Variants in DNAH11 observed in about 807,000 individuals in gnomAD.
DNAH11 encodes axonemal beta dynein heavy chain 11.
Under a neutral mutation model 526.0 loss-of-function variants are expected in DNAH11, and 442 were observed. The observed-to-expected ratio is 0.84, with a 90% CI of 0.78 to 0.91. The LOEUF (loss-of-function observed/expected upper bound fraction) is 0.91, where lower values mean the gene tolerates loss of function less well. Among genes scored for constraint, DNAH11 ranks in the 40% least tolerant of loss-of-function variants. DNAH11 has a pLI of 0.00. For missense variants in DNAH11, 6,989 were observed against 5,448.7 expected, an observed-to-expected ratio of 1.28 and a Z score of -8.90; for synonymous variants, 2,461 against 1,935.9, an observed-to-expected ratio of 1.27 and a Z score of -7.12.
At chr7:21,618,926 G>A (rs572147852) in intron 23 of DNAH11, among the ~76,000 whole-genome samples, 174 bp from the exon 24 acceptor site, 5 of 152,304 alleles carry the variant, frequency 3.3e-5, no homozygotes, top group African/African-American at 1.2e-4. Flanking sequence ...TGACGCCTCA[G>A]GAATTGTGAG....
At chr7:21,585,784 A>G (rs949907883) in intron 9 of DNAH11, among the ~76,000 whole-genome samples, 11 of 152,346 alleles carry the variant, frequency 7.2e-5, no homozygotes, top group African/African-American at 2.4e-4. Flanking sequence ...ACACCGAACA[A>G]TGGCAATGGT....
chr7:21,897,527 T>C (rs528118653), intron 79 of DNAH11, among the ~76,000 whole-genome samples: 6 of 152,244 alleles, frequency 3.9e-5, no homozygotes, highest in East Asian at 1.9e-4. Flanking sequence ...TATTTTAGTA[T>C]TGATTACTCT....
intron 30 of DNAH11, among the ~76,000 whole-genome samples, chr7:21,667,492 T>C (rs1213972601): frequency 1.3e-5 from 2 of 152,174 alleles, no homozygotes; most frequent in East Asian, 3.8e-4. Flanking sequence ...CCAAATTTGG[T>C]TCATGGCCTA....
intron 54 of DNAH11, among the ~76,000 whole-genome samples, chr7:21,760,361 T>C (rs1786845751): frequency 6.6e-6 from 1 of 152,178 alleles, no homozygotes. Context: ...CCCAGCTCTG[T>C]TCTTTTGGGG....
At chr7:21,872,189 A>G (rs1380493155) in intron 73 of DNAH11, among the ~76,000 whole-genome samples, 3 of 150,440 alleles carry the variant, frequency 2.0e-5, no homozygotes, top group African/African-American at 7.3e-5. Context: ...TATCTCCTTA[A>G]AGACCCTATT....
chr7:21,757,785 C>T (rs12672447), intron 54 of DNAH11, among the ~76,000 whole-genome samples: 10,604 of 152,192 alleles, frequency 0.07, 547 homozygotes, highest in East Asian at 0.27. Flanking sequence ...CACTTGTATG[C>T]AAGCAACAGA....
rs144626653 is a variant in DNAH11, at chr7:21,899,523, A to G, written c.13162+75A>G. On this transcript the variant is annotated intron_variant, in intron 80 of 81. Coordinates refer to ENST00000409508, the MANE Select transcript of DNAH11 (RefSeq NM_001277115.2). ...ACCAGAAGCCCTGCTTTGTTTACCT[A>G]TGATGGCGTCTCCTTGCCCTGCTCA... 2.3e-4 allele frequency: 268 copies of G among 1,179,476 alleles called. No individual in the cohort carries two copies. The African/African-American group carries it at 3.7e-3, about 16-fold the overall frequency. 73.1% of individuals were successfully genotyped at this position (1,179,476 alleles called of 1,614,324 possible). A position where few individuals can be genotyped will look rare whatever the true frequency, so the allele number is the denominator to read the frequency against.
chr7:21,715,185 G>C (rs560846837), intron 42 of DNAH11, among the ~76,000 whole-genome samples: 10 of 152,186 alleles, frequency 6.6e-5, no homozygotes, highest in Admixed American at 6.5e-4. Context: ...TAGACTTAGA[G>C]TCTGTTCAAT....
intron 66 of DNAH11, among the ~76,000 whole-genome samples, chr7:21,848,089 C>T (rs1231384590): frequency 1.3e-5 from 2 of 149,228 alleles, no homozygotes; most frequent in East Asian, 2.0e-4. Flanking sequence ...ATGGCGTGAA[C>T]CCAGGAGGTA....
At chr7:21,813,469 A>T (rs757566236) in intron 63 of DNAH11, among the ~76,000 whole-genome samples, 4 of 152,226 alleles carry the variant, frequency 2.6e-5, no homozygotes, top group Admixed American at 2.0e-4. Flanking sequence ...TTTTGTGAAC[A>T]GGTAAAGCCT....
intron 28 of DNAH11, among the ~76,000 whole-genome samples, chr7:21,648,584 A>T (rs1440108743): frequency 6.6e-6 from 1 of 152,218 alleles, no homozygotes; most frequent in Non-Finnish European, 1.5e-5. Flanking sequence ...GCAGGCTACA[A>T]ATATGTGGGA....
chr7:21,725,085 A>T (rs1282112984), intron 44 of DNAH11, among the ~76,000 whole-genome samples: 1 of 152,198 alleles, frequency 6.6e-6, no homozygotes, highest in Admixed American at 6.5e-5. Flanking sequence ...AATGGCTTAT[A>T]TCTATACTGA....
At chr7:21,879,259 C>A (rs1403495793) in intron 74 of DNAH11, among the ~76,000 whole-genome samples, 1 of 152,016 alleles carries the variant, frequency 6.6e-6, no homozygotes, top group Non-Finnish European at 1.5e-5. Flanking sequence ...CGAGACCACC[C>A]TGGCCAATCT....
chr7:21,789,816 C>CTTTCTTT (rs1554281424), intron 61 of DNAH11, among the ~76,000 whole-genome samples: 328 of 69,966 alleles, frequency 4.7e-3, no homozygotes, highest in East Asian at 0.021. Flanking sequence ...TTTTTTCTTT[C>CTTTCTTT]TTTCTTTCTT....
chr7:21,653,354 A>G (rs1029658310), intron 28 of DNAH11, among the ~76,000 whole-genome samples: 2 of 152,238 alleles, frequency 1.3e-5, no homozygotes, highest in Admixed American at 6.5e-5. Context: ...AAGTTTAAAT[A>G]GAAGACAGTA....
chr7:21,655,308 G>C (rs965766691), intron 28 of DNAH11, among the ~76,000 whole-genome samples: 8 of 152,112 alleles, frequency 5.3e-5, no homozygotes, highest in Admixed American at 2.0e-4. Flanking sequence ...TGAAAAGGGA[G>C]AAATCCTACT....
At chr7:21,754,953 A>C (rs1461058053) in intron 54 of DNAH11, among the ~76,000 whole-genome samples, 2 of 152,212 alleles carry the variant, frequency 1.3e-5, no homozygotes, top group South Asian at 4.1e-4. Context: ...GATATTCACC[A>C]GTGTGTACTA....
chr7:21,640,294 A>C (rs377446353), intron 28 of DNAH11, among the ~76,000 whole-genome samples: 14 of 152,338 alleles, frequency 9.2e-5, no homozygotes, highest in East Asian at 1.9e-4. Context: ...AATAGTTGTC[A>C]CTACACTATG....
At chr7:21,740,562 A>T (rs181983261) in intron 48 of DNAH11, among the ~76,000 whole-genome samples, 1 of 152,138 alleles carries the variant, frequency 6.6e-6, no homozygotes, top group Non-Finnish European at 1.5e-5. Flanking sequence ...TTTCTTTCCT[A>T]TGTAAGACCG....
Sources: gnomAD v4.1 joint callset for allele counts (sites outside exome capture counted in the v4.1 genomes callset) on GRCh38, gnomAD v4.1.1 for gene constraint, MANE v1.5 for transcripts, NCBI Gene and HGNC (gene_info 2026-07-23, HGNC 2026-07-21) for gene names.